TASP1: variants seen among roughly 807,000 people sequenced by gnomAD.
TASP1 encodes the protein threonine aspartase 1.
In TASP1, 16 loss-of-function variants were observed where a neutral mutation model predicts 56.6. The observed-to-expected ratio is 0.28, with a 90% CI of 0.19 to 0.43. The LOEUF is 0.43. TASP1 is among the 20% of genes least tolerant of loss of function. The pLI, the probability that TASP1 is intolerant of heterozygous loss-of-function variation, is 1.00. For synonymous variants in TASP1, 179 were observed against 184.2 expected (o/e 0.97, Z 0.23); for missense variants, 393 against 511.6 (o/e 0.77, Z 2.24).
intron 1 of TASP1, among the ~76,000 whole-genome samples, chr20:13,630,823 T>C (rs998391937): frequency 6.6e-6 from 1 of 152,092 alleles, no homozygotes; most frequent in Admixed American, 6.5e-5. Context: ...TCCCAGTGTT[T>C]ATTACCAGCC....
chr20:13,282,624 A>G, the TASP1 span, among the ~76,000 whole-genome samples: 4 of 152,152 alleles, frequency 2.6e-5, no homozygotes, highest in Admixed American at 6.5e-5. Flanking sequence ...TGGGCCATGG[A>G]GAAGCTCCAT....
At chr20:13,521,629 T>C (rs915023907) in intron 10 of TASP1, among the ~76,000 whole-genome samples, 44 of 114,406 alleles carry the variant, frequency 3.8e-4, no homozygotes, top group African/African-American at 1.4e-3. Context: ...CCGGGGCTTG[T>C]TGTGGGGTGG....
At chr20:13,154,316 T>C in the TASP1 span, among the ~76,000 whole-genome samples, 1 of 152,124 alleles carries the variant, frequency 6.6e-6, no homozygotes, top group Admixed American at 6.6e-5. Context: ...ACAGGTCTTA[T>C]AGAAAGGGAA....
downstream of TASP1, among the ~76,000 whole-genome samples, chr20:13,384,758 G>A (rs1454350326): frequency 6.6e-6 from 1 of 152,154 alleles, no homozygotes; most frequent in Non-Finnish European, 1.5e-5. Flanking sequence ...CGGCTTCTGG[G>A]AAAGGTTTAG....
chr20:13,358,780 C>G, the TASP1 span, among the ~76,000 whole-genome samples: 1 of 149,820 alleles, frequency 6.7e-6, no homozygotes, highest in South Asian at 2.1e-4. Flanking sequence ...GATCATTCAC[C>G]CACGTTTCAA....
the TASP1 span, among the ~76,000 whole-genome samples, chr20:13,179,468 A>G: frequency 6.6e-6 from 1 of 150,922 alleles, no homozygotes; most frequent in Admixed American, 6.6e-5. Flanking sequence ...GAAAATAAAC[A>G]ATTTGGAGAA....
the TASP1 span, chr20:13,117,544 C>A: frequency 2.5e-6 from 4 of 1,610,058 alleles, no homozygotes; most frequent in Admixed American, 1.7e-5. Flanking sequence ...CAGATCATAG[C>A]TCTAAAGAAG....
chr20:13,363,754 T>C, the TASP1 span, among the ~76,000 whole-genome samples: 2 of 152,228 alleles, frequency 1.3e-5, no homozygotes, highest in Non-Finnish European at 2.9e-5. Context: ...ACCTAGTTAA[T>C]GTCCAATGCA....
rs139608591 is a variant in TASP1 at position 13,475,974 on chromosome 20, C to A, written c.985+7253G>T. ...CTCTACTAAAAATACAAAAAATTAG[C>A]TGGGCAAGGTGGCAGACACTTGTAA... On this transcript the variant is annotated intron_variant, in intron 11 of 13. Coordinates refer to ENST00000337743, the MANE Select transcript of TASP1 (RefSeq NM_017714.3). Among the ~76,000 whole-genome samples, 1,325 of 151,870 alleles carry A rather than the reference C, an allele frequency of 8.7e-3. 22 individuals carry two copies. The highest frequency in any genetic ancestry group is 0.027 in the Admixed American group (408 of 15,232).
At chr20:13,354,881 G>A in the TASP1 span, among the ~76,000 whole-genome samples, 1 of 151,828 alleles carries the variant, frequency 6.6e-6, no homozygotes, top group Non-Finnish European at 1.5e-5. Context: ...CAGATCTAAT[G>A]GATAAAATTA....
chr20:13,315,001 C>A, the TASP1 span, among the ~76,000 whole-genome samples: 1 of 151,820 alleles, frequency 6.6e-6, no homozygotes. Context: ...ATTGCAAAAT[C>A]TAGAGCAACT....
chr20:13,308,087 T>A, the TASP1 span, among the ~76,000 whole-genome samples: 1 of 152,238 alleles, frequency 6.6e-6, no homozygotes, highest in Non-Finnish European at 1.5e-5. Context: ...CCCTTCACTG[T>A]CTTTCCTGAC....
At chr20:13,191,579 G>T in the TASP1 span, among the ~76,000 whole-genome samples, 1 of 152,202 alleles carries the variant, frequency 6.6e-6, no homozygotes, top group East Asian at 1.9e-4. Flanking sequence ...GGTTTCCAGA[G>T]GCTGATAAGG....
At chr20:13,117,781 G>A in the TASP1 span, 2 of 1,458,068 alleles carry the variant, frequency 1.4e-6, no homozygotes, top group African/African-American at 2.8e-5. Context: ...GGGATGCCGT[G>A]TGTAGGGCTT....
chr20:13,178,351 C>T, the TASP1 span, among the ~76,000 whole-genome samples: 3 of 152,006 alleles, frequency 2.0e-5, no homozygotes, highest in East Asian at 5.8e-4. Context: ...TGTGAAGGTT[C>T]CCCAAAAAAC....
At chr20:13,373,569 G>C in the TASP1 span, among the ~76,000 whole-genome samples, 1 of 151,422 alleles carries the variant, frequency 6.6e-6, no homozygotes, top group African/African-American at 2.4e-5. Context: ...CACTTTGAAT[G>C]TGTTGCTCCA....
At chr20:13,502,446 G>A (rs2043980345) in intron 10 of TASP1, among the ~76,000 whole-genome samples, 1 of 152,060 alleles carries the variant, frequency 6.6e-6, no homozygotes, top group African/African-American at 2.4e-5. Context: ...CTTAGTAAAA[G>A]AAGTAAAACA....
intron 8 of TASP1, among the ~76,000 whole-genome samples, chr20:13,535,272 A>G (rs1160184272): frequency 2.0e-5 from 3 of 152,192 alleles, no homozygotes; most frequent in Non-Finnish European, 2.9e-5. Context: ...AACATTGAAG[A>G]GTTTCTAAAT....
At chr20:13,225,057 G>T in the TASP1 span, among the ~76,000 whole-genome samples, 4 of 148,640 alleles carry the variant, frequency 2.7e-5, no homozygotes, top group African/African-American at 5.0e-5. Flanking sequence ...GTTTCACCGT[G>T]TTAGCCAGGA....
Sources: allele counts gnomAD v4.1 joint callset (sites outside exome capture counted in the v4.1 genomes callset), GRCh38; gene constraint gnomAD v4.1.1; transcripts MANE v1.5; gene names NCBI Gene and HGNC (gene_info 2026-07-23, HGNC 2026-07-21).